Variants in COL5A3 observed in about 807,000 individuals in gnomAD.
COL5A3 encodes the protein collagen type V alpha 3 chain, also known as collagen alpha-3(V) chain.
In COL5A3, 172 loss-of-function variants were observed where a neutral mutation model predicts 250.0. The observed-to-expected ratio is 0.69, with a 90% CI of 0.61 to 0.78. COL5A3 has a LOEUF of 0.78. Ranked by LOEUF, COL5A3 falls within the 30% of genes least tolerant of loss-of-function variation. The pLI, the probability that COL5A3 is intolerant of heterozygous loss-of-function variation, is 0.00. For synonymous variants in COL5A3, 937 were observed against 900.4 expected (o/e 1.04, Z -0.73); for missense variants, 2,340 against 2,334.4 (o/e 1.00, Z -0.05).
intron 51 of COL5A3, among the ~76,000 whole-genome samples, chr19:9,971,672 G>C (rs573913889): frequency 6.6e-6 from 1 of 151,986 alleles, no homozygotes; most frequent in East Asian, 1.9e-4. Flanking sequence ...GCCCCTTCCT[G>C]ACCTCCACCC....
At chr19:9,996,734 G>A (rs1451051278) in intron 11 of COL5A3, 45 bp from the exon 12 acceptor site, 4 of 1,490,266 alleles carry the variant, frequency 2.7e-6, no homozygotes, top group Non-Finnish European at 3.6e-6. Context: ...GGGAGAGAGG[G>A]AGAGAGAGAG....
rs1355641666 is a variant in COL5A3, at chr19:10,005,947, A to G, written c.286T>C (p.Leu96=). The stretch of plus-strand genomic sequence containing the variant: ...GACTGATTGGCTGGCTGTCCCCGCA[A>G]GGTGATCAGCAAGGAGAAGTTCTCA... The part of the protein sequence containing the change: ...FPENFSLLIT[L]RGQPANQSVL... The change falls in exon 3 of 67, where the codon TTG becomes CTG. Residue 96 remains leucine (L), a synonymous_variant. Coordinates refer to ENST00000264828, the MANE Select transcript of COL5A3 (RefSeq NM_015719.4). The G allele has an allele frequency of 1.2e-6, 2 of 1,614,088 alleles. No individual in the cohort carries two copies. Among genetic ancestry groups the G allele is most frequent in the South Asian group, 1.1e-5 (1 of 91,078 alleles).
chr19:10,002,042 T>C (rs947907529), intron 6 of COL5A3, among the ~76,000 whole-genome samples, 161 bp from the exon 7 acceptor site: 4 of 152,072 alleles, frequency 2.6e-5, no homozygotes, highest in Non-Finnish European at 4.4e-5. Flanking sequence ...GTGTGCCAGC[T>C]GGACCAGGGC....
At chr19:9,964,855 A>T (rs1166881537) in intron 64 of COL5A3, among the ~76,000 whole-genome samples, 1 of 9,896 alleles carries the variant, frequency 1.0e-4, no homozygotes, top group Non-Finnish European at 2.2e-4. Context: ...CATCTCTACT[A>T]AAAAAAAAAA....
intron 44 of COL5A3, 73 bp from the exon 45 acceptor site, chr19:9,976,684 A>T: frequency 9.0e-7 from 1 of 1,109,844 alleles, no homozygotes. Flanking sequence ...GCTATCAATC[A>T]CTGCCTCCCA....
rs2086659840 is a variant in COL5A3 at position 9,960,642 on chromosome 19, C to A, written c.5091+9G>T. The A allele has an allele frequency of 6.2e-7, 1 of 1,613,790 alleles. No individual in the cohort carries two copies. Among genetic ancestry groups the A allele is most frequent in the South Asian group, 1.1e-5 (1 of 91,088 alleles). The stretch of plus-strand genomic sequence containing the variant: ...CCCTCTCTAGCTGGCCACTGCCCCA[C>A]CCTCTTACCCGGCAGCCATCCTGGG... On this transcript the variant is annotated intron_variant, in intron 66 of 66. Coordinates refer to ENST00000264828, the MANE Select transcript of COL5A3 (RefSeq NM_015719.4).
intron 8 of COL5A3, among the ~76,000 whole-genome samples, chr19:9,999,659 C>T (rs901788686): frequency 3.2e-4 from 48 of 151,704 alleles, no homozygotes; most frequent in Admixed American, 1.8e-3. Flanking sequence ...GTACAGACAG[C>T]GTTTCACCAT....
chr19:9,968,084 G>A lies in COL5A3; in HGVS notation c.4315-5C>T, dbSNP rs1157090957. The A allele has an allele frequency of 1.3e-6, 2 of 1,587,136 alleles. No homozygotes were observed. Among genetic ancestry groups the A allele is most frequent in the Non-Finnish European group, 1.7e-6 (2 of 1,173,118 alleles). On this transcript the variant is annotated splice_region_variant and splice_polypyrimidine_tract_variant and intron_variant, in intron 59 of 66. Transcript: ENST00000264828. This position sits in a 1 kb window ranked among gnomAD's most constrained non-coding sequence, Gnocchi z 4.1. Reference sequence around the variant, plus strand: ...GCCAATGGGACCAGGGGGACCCTAGGAAAAGGACATCGGGTCAGTATTGGT... The same window carrying A: ...GCCAATGGGACCAGGGGGACCCTAGAAAAAGGACATCGGGTCAGTATTGGT...
At chr19:9,978,502 C>A in intron 41 of COL5A3, 72 bp downstream of exon 41, 2 of 1,021,036 alleles carry the variant, frequency 2.0e-6, no homozygotes, top group South Asian at 2.7e-5. Flanking sequence ...TTTATCATGA[C>A]AATGTCAAGC....
intron 3 of COL5A3, 23 bp from the exon 4 acceptor site, chr19:10,005,737 C>T (rs760731579): frequency 5.6e-5 from 90 of 1,599,864 alleles, no homozygotes; most frequent in Non-Finnish European, 6.5e-5. Context: ...GGCCTCAGTG[C>T]GGGTGCTTCT....
chr19:9,992,038 C>G lies in COL5A3; in HGVS notation c.1859G>C (p.Gly620Ala). ...PGPTGRPGVT[G>A]IDGAPGAKGN... ...TTTGGCACCAGGAGCACCATCAATT[C>G]CAGTCACACCCTAGGGGAAAAGAGG... The change falls in exon 22 of 67, where the codon GGA (glycine) becomes GCA (alanine). Residue 620 changes from glycine to alanine, a missense_variant. Physicochemically the swap from Gly to Ala is moderately conservative, Grantham distance 60. Transcript: ENST00000264828. 2 of 1,613,732 alleles carry G rather than the reference C, an allele frequency of 1.2e-6. No homozygotes were observed. Among genetic ancestry groups the G allele is most frequent in the Non-Finnish European group, 1.7e-6 (2 of 1,179,848 alleles).
At chr19:9,967,481 A>T in intron 61 of COL5A3, 81 bp from the exon 62 acceptor site, 4 of 851,142 alleles carry the variant, frequency 4.7e-6, no homozygotes, top group South Asian at 2.0e-5. Flanking sequence ...ACACACACAC[A>T]CTCACACACA....
intron 8 of COL5A3, among the ~76,000 whole-genome samples, chr19:9,999,758 G>A (rs1402791830): frequency 1.3e-5 from 2 of 151,988 alleles, no homozygotes; most frequent in African/African-American, 2.4e-5. Context: ...GAGCCACCGC[G>A]CCTGGCCCAA....
chr19:9,970,815 C>G, intron 53 of COL5A3, 140 bp from the exon 54 acceptor site: 1 of 1,016,878 alleles, frequency 9.8e-7, no homozygotes, highest in Non-Finnish European at 1.4e-6. Context: ...CCTACTCCCT[C>G]AAGCTGCTCA....
chr19:9,974,296 C>CT lies in COL5A3; in HGVS notation c.3450+4_3450+5insA. Reference sequence around the variant, plus strand: ...GAAGTGCCACCCCCAAACCCAGACACCCACCTGCAGTCCAGGAGGGCCAAT... The same window carrying CT: ...GAAGTGCCACCCCCAAACCCAGACACTCCACCTGCAGTCCAGGAGGGCCAAT... On this transcript the variant is annotated splice_donor_region_variant and intron_variant, in intron 46 of 66. Coordinates refer to ENST00000264828, the MANE Select transcript of COL5A3 (RefSeq NM_015719.4). 1 of 1,610,182 alleles carries CT rather than the reference C, an allele frequency of 6.2e-7. No homozygotes were observed. Among genetic ancestry groups the CT allele is most frequent in the Non-Finnish European group, 8.5e-7 (1 of 1,177,956 alleles).
chr19:9,960,476 T>G lies in COL5A3; in HGVS notation c.5173A>C (p.Thr1725Pro), dbSNP rs765779891. 1.1e-5 allele frequency: 18 copies of G among 1,614,044 alleles called. No individual in the cohort carries two copies. The East Asian group carries it at 3.6e-4, about 32-fold the overall frequency. Residue 1725 changes from threonine (T) to proline (P), a missense_variant, in exon 67 of 67, where the codon ACT (threonine) becomes CCT (proline). Thr to Pro is a conservative substitution (Grantham distance 38). This residue lies in a region of COL5A3 where 1,179 missense variants were observed against 1,162.6 expected (regional missense o/e 1.01). Transcript: ENST00000264828. ...TTTTGGTTCGTCTGGCCAAAGTCAG[T>G]GGCCGCCACATCCCACAGGGGCAGA... is the stretch of plus-strand genomic sequence containing the variant. ...GFLPLWDVAA[T>P]DFGQTNQKFG...
At position 9,996,191 on chromosome 19, in the gene COL5A3, A is replaced by G; in HGVS notation, c.1479+15T>C. The G allele has an allele frequency of 1.3e-6, 2 of 1,561,656 alleles. No homozygotes were observed. Among genetic ancestry groups the G allele is most frequent in the Non-Finnish European group, 1.7e-6 (2 of 1,156,058 alleles). On this transcript the variant is annotated intron_variant, in intron 14 of 66. Coordinates refer to ENST00000264828, the MANE Select transcript of COL5A3 (RefSeq NM_015719.4). ...AATGCATGCACCGCCCCCTCCACGC[A>G]GTCGCCTTACTCACCACAGGGCCTG...
In COL5A3 at chr19:9,987,064, C is replaced by T. The variant is rs537943098; in HGVS notation, c.2146-306G>A. Among the ~76,000 whole-genome samples the T allele has an allele frequency of 4.6e-5, 7 of 152,244 alleles. No homozygotes were observed. In the South Asian group the frequency reaches 1.0e-3, roughly 23 times the overall value. The stretch of plus-strand genomic sequence containing the variant: ...AGAAAGAGGATGAACATTCCAGGCC[C>T]GGACCTCATTTTAAAGGCAAAGGAA... On this transcript the variant is annotated intron_variant, in intron 27 of 66. Coordinates refer to ENST00000264828, the MANE Select transcript of COL5A3 (RefSeq NM_015719.4).
rs8109497 is a variant in COL5A3, at chr19:9,968,095, C to T, written c.4315-16G>A. 53 of 1,587,046 alleles carry T rather than the reference C, an allele frequency of 3.3e-5. No homozygotes were observed. The highest frequency in any genetic ancestry group is 2.2e-4 in the Admixed American group (11 of 50,908). On this transcript the variant is annotated splice_polypyrimidine_tract_variant and intron_variant, in intron 59 of 66. Coordinates refer to ENST00000264828, the MANE Select transcript of COL5A3 (RefSeq NM_015719.4). The surrounding 1 kb of genome is among the most constrained non-coding windows in gnomAD (Gnocchi z 4.1). ...CAGGGGGACCCTAGGAAAAGGACAT[C>T]GGGTCAGTATTGGTGGGGTACACCC...
Sources: gnomAD v4.1 joint callset for allele counts (sites outside exome capture counted in the v4.1 genomes callset) on GRCh38, gnomAD v4.1.1 for gene constraint, gnomAD v4.1.1 regional missense constraint, Gnocchi (gnomAD v3.1) non-coding constraint, MANE v1.5 for transcripts, NCBI Gene and HGNC (gene_info 2026-07-23, HGNC 2026-07-21) for gene names.